GRM7: variants seen among roughly 807,000 people sequenced by gnomAD.
GRM7 encodes the protein glutamate metabotropic receptor 7, also known as metabotropic glutamate receptor 7.
A neutral mutation model predicts 84.5 loss-of-function variants in GRM7; 35 were observed. The observed-to-expected ratio is 0.41, with a 90% CI of 0.32 to 0.55. The LOEUF is 0.55. Among genes scored for constraint, GRM7 ranks in the 20% least tolerant of loss-of-function variants. The pLI is 0.19. For missense variants in GRM7, 1,003 were observed against 1,194.6 expected (o/e 0.84, Z 2.36); for synonymous variants, 487 against 455.1 (o/e 1.07, Z -0.89).
intron 2 of GRM7, among the ~76,000 whole-genome samples, chr3:7,229,594 A>G (rs1697094314): frequency 6.6e-6 from 1 of 151,012 alleles, no homozygotes; most frequent in South Asian, 2.1e-4. Flanking sequence ...CAGTTTAACT[A>G]TTCTGCAAGA....
intron 8 of GRM7, among the ~76,000 whole-genome samples, chr3:7,592,034 A>C (rs1695806955): frequency 6.6e-6 from 1 of 152,180 alleles, no homozygotes; most frequent in Admixed American, 6.5e-5. Context: ...TTGTCTCATA[A>C]GGTTTTCATG....
At chr3:7,338,659 A>G (rs1701520053) in intron 4 of GRM7, among the ~76,000 whole-genome samples, 1 of 152,078 alleles carries the variant, frequency 6.6e-6, no homozygotes, top group African/African-American at 2.4e-5. Context: ...CACACCATGG[A>G]TGCTCTGTGA....
At chr3:6,993,136 G>A (rs546291990) in intron 1 of GRM7, among the ~76,000 whole-genome samples, 3 of 152,324 alleles carry the variant, frequency 2.0e-5, no homozygotes, top group African/African-American at 7.2e-5. Flanking sequence ...ACAAGAATGA[G>A]AACTGAGTGA....
At chr3:7,642,816 A>G (rs1316705323) in intron 8 of GRM7, among the ~76,000 whole-genome samples, 4 of 152,158 alleles carry the variant, frequency 2.6e-5, no homozygotes, top group African/African-American at 9.6e-5. Context: ...AAATCAGAAA[A>G]ATCTGTTTCT....
chr3:6,906,067 G>A (rs967603154), intron 1 of GRM7, among the ~76,000 whole-genome samples: 1 of 152,180 alleles, frequency 6.6e-6, no homozygotes, highest in African/African-American at 2.4e-5. Context: ...GTTCAACTGG[G>A]AACATTTTTC....
At chr3:7,482,365 G>A (rs1372953990) in intron 7 of GRM7, among the ~76,000 whole-genome samples, 1 of 152,106 alleles carries the variant, frequency 6.6e-6, no homozygotes, top group African/African-American at 2.4e-5. Flanking sequence ...GACATAACCT[G>A]AAGAAAGGTA....
intron 1 of GRM7, among the ~76,000 whole-genome samples, chr3:6,960,562 C>T (rs77373294): frequency 0.032 from 4,928 of 152,270 alleles, 130 homozygotes; most frequent in Non-Finnish European, 0.042. Flanking sequence ...GAATTTATCC[C>T]TATAACCCGT....
At chr3:7,317,304 G>GGAA (rs1700618578) in intron 4 of GRM7, among the ~76,000 whole-genome samples, 1 of 138,436 alleles carries the variant, frequency 7.2e-6, no homozygotes, top group African/African-American at 3.1e-5. Context: ...ACCTTAAGGA[G>GGAA]AACTATAGTC....
intron 6 of GRM7, among the ~76,000 whole-genome samples, chr3:7,454,669 G>A (rs566717519): frequency 1.3e-5 from 2 of 151,972 alleles, no homozygotes; most frequent in African/African-American, 4.8e-5. Context: ...TATATATATT[G>A]CGGATAATGA....
At chr3:6,891,328 C>T (rs568933860) in intron 1 of GRM7, among the ~76,000 whole-genome samples, 33 of 152,102 alleles carry the variant, frequency 2.2e-4, no homozygotes, top group African/African-American at 3.9e-4. Context: ...TTCCTGGCCT[C>T]GATGGTCTTT....
intron 2 of GRM7, among the ~76,000 whole-genome samples, chr3:7,158,299 C>T (rs1451766097): frequency 1.3e-5 from 2 of 152,076 alleles, no homozygotes; most frequent in Non-Finnish European, 2.9e-5. Context: ...ACTCTCTCAG[C>T]TTCTGTTTGG....
At chr3:6,986,721 T>C (rs919021860) in intron 1 of GRM7, among the ~76,000 whole-genome samples, 1 of 152,202 alleles carries the variant, frequency 6.6e-6, no homozygotes, top group Admixed American at 6.5e-5. Flanking sequence ...AATCCTGTCC[T>C]GGCTTCCCCT....
chr3:7,094,479 TG>T (rs1231693620), intron 1 of GRM7, among the ~76,000 whole-genome samples: 1 of 152,176 alleles, frequency 6.6e-6, no homozygotes, highest in Non-Finnish European at 1.5e-5. Flanking sequence ...AAGAATAACT[TG>T]ATCAAAACCA....
intron 4 of GRM7, among the ~76,000 whole-genome samples, chr3:7,307,263 T>C (rs1235134066): frequency 6.6e-6 from 1 of 151,976 alleles, no homozygotes; most frequent in Non-Finnish European, 1.5e-5. Context: ...AGAGTGTCTG[T>C]TGCCACCCTG....
At chr3:6,961,489 T>C (rs1358421211) in intron 1 of GRM7, among the ~76,000 whole-genome samples, 2 of 152,142 alleles carry the variant, frequency 1.3e-5, no homozygotes, top group African/African-American at 4.8e-5. Context: ...GCACAAGCAG[T>C]ACTGACTGGT....
intron 4 of GRM7, among the ~76,000 whole-genome samples, chr3:7,338,474 G>C (rs1247067313): frequency 6.6e-6 from 1 of 151,936 alleles, no homozygotes; most frequent in African/African-American, 2.4e-5. Flanking sequence ...AACACCACCT[G>C]TTCCCCAGAA....
At chr3:7,192,678 G>T (rs1695748424) in intron 2 of GRM7, among the ~76,000 whole-genome samples, 1 of 152,054 alleles carries the variant, frequency 6.6e-6, no homozygotes, top group South Asian at 2.1e-4. Context: ...CCTGTAATGT[G>T]TTCAAGCTAC....
intron 1 of GRM7, among the ~76,000 whole-genome samples, chr3:7,125,815 G>A (rs1693380118): frequency 6.6e-6 from 1 of 152,116 alleles, no homozygotes; most frequent in African/African-American, 2.4e-5. Flanking sequence ...ATTTTCTGAT[G>A]TAGTTGCTGT....
chr3:6,937,620 C>T (rs1018082271), intron 1 of GRM7, among the ~76,000 whole-genome samples: 3 of 152,228 alleles, frequency 2.0e-5, no homozygotes, highest in African/African-American at 4.8e-5. Context: ...GCCTCAGACA[C>T]TCTTCCTGAA....
Sources: allele counts gnomAD v4.1 joint callset (sites outside exome capture counted in the v4.1 genomes callset), GRCh38; gene constraint gnomAD v4.1.1; transcripts MANE v1.5; gene names NCBI Gene and HGNC (gene_info 2026-07-23, HGNC 2026-07-21).